INPP5A: variants seen among roughly 807,000 people sequenced by gnomAD.
INPP5A encodes the protein 43 kDa inositol polyphosphate 5-phophatase.
In INPP5A, 14 loss-of-function variants were observed where a neutral mutation model predicts 65.2. That is an observed-to-expected ratio of 0.21 (90% CI 0.14 to 0.34). The LOEUF (loss-of-function observed/expected upper bound fraction) is 0.34. Ranked by LOEUF, INPP5A falls within the 10% of genes least tolerant of loss-of-function variation. INPP5A has a pLI of 1.00. For missense variants in INPP5A, 431 were observed against 545.6 expected, an observed-to-expected ratio of 0.79 and a Z score of 2.09; for synonymous variants, 207 against 208.3, an observed-to-expected ratio of 0.99 and a Z score of 0.05.
intron 13 of INPP5A, among the ~76,000 whole-genome samples, chr10:132,779,559 GCCT>G (rs1290733233): frequency 6.6e-6 from 1 of 152,250 alleles, no homozygotes; most frequent in East Asian, 1.9e-4. Flanking sequence ...TTCACTCACA[GCCT>G]CTCGGGTTCT....
chr10:132,639,163 A>C (rs1435373214), intron 2 of INPP5A, among the ~76,000 whole-genome samples: 4 of 152,116 alleles, frequency 2.6e-5, no homozygotes, highest in African/African-American at 9.7e-5. Flanking sequence ...CTGCCCCCAG[A>C]TCATTCCCCT....
rs759756517 is a variant in INPP5A, at chr10:132,782,030, G to C, written c.*8-7G>C. On this transcript the variant is annotated splice_region_variant and splice_polypyrimidine_tract_variant and intron_variant, in intron 15 of 15. Transcript: ENST00000368594. The surrounding 1 kb of genome is among the most constrained non-coding windows in gnomAD (Gnocchi z 4.4). ...GTTCCTTTAACAAATTACGAATTCC[G>C]TGACAGGGAAGAGATGCCAGCGCCA... The C allele has an allele frequency of 6.2e-7, 1 of 1,601,290 alleles. No homozygotes were observed. Among genetic ancestry groups the C allele is most frequent in the Non-Finnish European group, 8.5e-7 (1 of 1,172,916 alleles).
intron 13 of INPP5A, 134 bp from the exon 14 acceptor site, chr10:132,780,715 G>A (rs949386601): frequency 2.6e-6 from 2 of 764,940 alleles, no homozygotes; most frequent in African/African-American, 1.7e-5. Flanking sequence ...GGCAGAGGCT[G>A]GGGAGGTACT....
rs1845992132 is a variant in INPP5A, at chr10:132,726,751, G to C, written c.648-70G>C. On this transcript the variant is annotated intron_variant, in intron 8 of 15. Transcript: ENST00000368594. ...GTGTGCGGATGGGGAGCGTGGAGGA[G>C]CACCGGGGCCGGGCATGAGGGCTGG... 7 of 1,059,368 alleles carry C rather than the reference G, an allele frequency of 6.6e-6. No individual in the cohort carries two copies. In the Admixed American group the frequency reaches 1.4e-4, roughly 20 times the overall value. 65.6% of individuals were successfully genotyped at this position (1,059,368 alleles called of 1,614,324 possible). A position where few individuals can be genotyped will look rare whatever the true frequency, so the allele number is the denominator to read the frequency against.
chr10:132,731,487 C>T (rs1846085369), intron 9 of INPP5A, among the ~76,000 whole-genome samples: 1 of 151,990 alleles, frequency 6.6e-6, no homozygotes, highest in Non-Finnish European at 1.5e-5. Flanking sequence ...GTGACCGCAT[C>T]CCTCCTGCGT....
intron 12 of INPP5A, among the ~76,000 whole-genome samples, chr10:132,775,446 C>T (rs928125901): frequency 2.6e-5 from 4 of 152,110 alleles, no homozygotes; most frequent in African/African-American, 7.2e-5. Context: ...AGCGTGGCCC[C>T]GCCAGCACCT....
At chr10:132,665,221 C>G (rs567836186) in intron 4 of INPP5A, among the ~76,000 whole-genome samples, 1 of 152,286 alleles carries the variant, frequency 6.6e-6, no homozygotes, top group East Asian at 1.9e-4. Context: ...ACTTCCATCC[C>G]GAGAGTGTCT....
intron 11 of INPP5A, among the ~76,000 whole-genome samples, chr10:132,751,817 G>A (rs1846484779): frequency 6.6e-6 from 1 of 151,250 alleles, no homozygotes; most frequent in Non-Finnish European, 1.5e-5. Flanking sequence ...CTGGGTGGAG[G>A]CAGGTGCCCA....
At chr10:132,737,047 C>T (rs947141892) in intron 9 of INPP5A, among the ~76,000 whole-genome samples, 2 of 152,238 alleles carry the variant, frequency 1.3e-5, no homozygotes, top group Admixed American at 1.3e-4. Flanking sequence ...GTGCAGCTGT[C>T]GCTAGCCCTG....
At chr10:132,666,568 C>T (rs1031474533) in intron 4 of INPP5A, among the ~76,000 whole-genome samples, 4 of 152,202 alleles carry the variant, frequency 2.6e-5, no homozygotes, top group Admixed American at 6.5e-5. Context: ...CCGAGGCTGC[C>T]GACTTTGCAG....
In INPP5A at chr10:132,749,564, C is replaced by A. The variant is rs190082187; in HGVS notation, c.780C>A (p.Thr260=). The A allele has an allele frequency of 4.0e-4, 642 of 1,613,034 alleles. 4 individuals are homozygous for A. In the East Asian group the frequency reaches 9.3e-3, roughly 23 times the overall value. ...TGCAGACGGTCCGGGCCGCCGACAC[C>A]AATGAAGTGGTGAAGCTCATATTTC... ...ATMQTVRAAD[T]NEVVKLIFRE... The change falls in exon 10 of 16, where the codon ACC becomes ACA. Residue 260 remains threonine (T), a synonymous_variant. Transcript: ENST00000368594.
chr10:132,646,343 G>A (rs750949627), intron 3 of INPP5A, among the ~76,000 whole-genome samples: 1 of 152,182 alleles, frequency 6.6e-6, no homozygotes, highest in Non-Finnish European at 1.5e-5. Flanking sequence ...GGTCGGCAGG[G>A]AGCGTCTATC....
intron 8 of INPP5A, among the ~76,000 whole-genome samples, chr10:132,721,790 C>T (rs187656185): frequency 8.8e-5 from 13 of 148,116 alleles, no homozygotes; most frequent in African/African-American, 2.8e-4. Context: ...GGCTGTCTTG[C>T]GGGTTCTGTG....
intron 9 of INPP5A, among the ~76,000 whole-genome samples, chr10:132,729,765 T>G (rs1846049338): frequency 6.6e-6 from 1 of 152,164 alleles, no homozygotes; most frequent in African/African-American, 2.4e-5. Context: ...AGTGGGATCT[T>G]CCACGGCAGC....
chr10:132,731,765 A>G (rs890987471), intron 9 of INPP5A, among the ~76,000 whole-genome samples: 1 of 152,238 alleles, frequency 6.6e-6, no homozygotes, highest in Non-Finnish European at 1.5e-5. Context: ...CCTCCAGTGC[A>G]GAACTCAGTG....
intron 4 of INPP5A, among the ~76,000 whole-genome samples, chr10:132,683,775 C>T (rs981861908): frequency 6.6e-6 from 1 of 152,172 alleles, no homozygotes; most frequent in Non-Finnish European, 1.5e-5. Context: ...AGTGCAGTGG[C>T]GCGATCTTGG....
chr10:132,780,257 C>T (rs778482477), intron 13 of INPP5A, among the ~76,000 whole-genome samples: 14 of 152,386 alleles, frequency 9.2e-5, no homozygotes, highest in Non-Finnish European at 1.8e-4. Context: ...CTTCCGGAGG[C>T]GCCCGGAATA....
chr10:132,702,301 T>C (rs2134509453), intron 6 of INPP5A, among the ~76,000 whole-genome samples: 1 of 152,366 alleles, frequency 6.6e-6, no homozygotes, highest in East Asian at 1.9e-4. Flanking sequence ...TATTCAAAAA[T>C]AACATTGTTT....
intron 8 of INPP5A, among the ~76,000 whole-genome samples, chr10:132,723,630 T>TGTG (rs1845931903): frequency 3.4e-5 from 2 of 59,048 alleles, no homozygotes; most frequent in African/African-American, 1.6e-4. Context: ...TGGGGATTGG[T>TGTG]TTTGTGGGGA....
Sources: allele counts gnomAD v4.1 joint callset (sites outside exome capture counted in the v4.1 genomes callset), GRCh38; gene constraint gnomAD v4.1.1; non-coding constraint Gnocchi (gnomAD v3.1); transcripts MANE v1.5; gene names NCBI Gene and HGNC (gene_info 2026-07-23, HGNC 2026-07-21).